The following INSC variants were observed in gnomAD, a reference collection of about 807,000 sequenced individuals.
The protein encoded by INSC is protein inscuteable homolog.
In INSC, 67 loss-of-function variants were observed where a neutral mutation model predicts 58.6. The observed-to-expected ratio is 1.14, with a 90% CI of 0.94 to 1.40. INSC has a LOEUF of 1.40. Ranked by LOEUF, INSC falls within the 40% of genes most tolerant of loss-of-function variation. INSC has a pLI of 0.00. For missense variants in INSC, 714 were observed against 692.0 expected (o/e 1.03, Z -0.36); for synonymous variants, 262 against 276.1 (o/e 0.95, Z 0.51).
intron 5 of INSC, among the ~76,000 whole-genome samples, chr11:15,183,313 T>G (rs1448796247): frequency 6.9e-6 from 1 of 145,528 alleles, no homozygotes; most frequent in Non-Finnish European, 1.5e-5. Context: ...ATCTTGCCAT[T>G]GCACTCCAGC....
intron 2 of INSC, among the ~76,000 whole-genome samples, chr11:15,151,374 A>G (rs1318058400): frequency 6.6e-6 from 1 of 152,164 alleles, no homozygotes; most frequent in African/African-American, 2.4e-5. Flanking sequence ...TGGTGCCAAC[A>G]AGGTTAGGGA....
intron 1 of INSC, among the ~76,000 whole-genome samples, chr11:15,125,509 G>T (rs1847972606): frequency 6.6e-6 from 1 of 152,218 alleles, no homozygotes; most frequent in Admixed American, 6.5e-5. Context: ...GGTGAGAGAT[G>T]ATGGTGGCTA....
intron 10 of INSC, 116 bp downstream of exon 10, chr11:15,235,784 C>T (rs1852101420): frequency 1.1e-6 from 1 of 907,804 alleles, no homozygotes; most frequent in Non-Finnish European, 1.8e-6. Flanking sequence ...TGGCCGGGCG[C>T]AGGAATCATG....
chr11:15,186,956 T>A (rs1849990598), intron 5 of INSC, among the ~76,000 whole-genome samples: 1 of 152,206 alleles, frequency 6.6e-6, no homozygotes, highest in Non-Finnish European at 1.5e-5. Flanking sequence ...GCTAAGTGAT[T>A]CTTCCATTCT....
chr11:15,234,691 G>A (rs1004040112), intron 9 of INSC, among the ~76,000 whole-genome samples: 4 of 152,176 alleles, frequency 2.6e-5, no homozygotes, highest in African/African-American at 7.2e-5. Flanking sequence ...GTCCATTTCT[G>A]TGAAAGTGGG....
At chr11:15,190,942 G>A in intron 6 of INSC, 128 bp downstream of exon 6, 1 of 649,266 alleles carries the variant, frequency 1.5e-6, no homozygotes, top group South Asian at 1.8e-5. Context: ...GTCTCCTTGG[G>A]AGAGTCACTT....
chr11:15,241,923 C>T (rs559271057), intron 12 of INSC, among the ~76,000 whole-genome samples: 52 of 152,210 alleles, frequency 3.4e-4, no homozygotes, highest in African/African-American at 1.3e-3. Context: ...ACAACTTTCA[C>T]GGGCTGTGAA....
chr11:15,119,065 C>T (rs767616095), intron 1 of INSC, among the ~76,000 whole-genome samples: 15 of 152,146 alleles, frequency 9.9e-5, no homozygotes, highest in South Asian at 4.1e-4. Flanking sequence ...CGAGAGATGC[C>T]GGCAACTCCC....
At chr11:15,218,333 C>A (rs1851300464) in intron 7 of INSC, among the ~76,000 whole-genome samples, 1 of 152,134 alleles carries the variant, frequency 6.6e-6, no homozygotes, top group African/African-American at 2.4e-5. Context: ...GTAAAACTAA[C>A]AGTGGATACC....
chr11:15,208,637 T>C (rs1274995860), intron 7 of INSC, among the ~76,000 whole-genome samples: 1 of 152,190 alleles, frequency 6.6e-6, no homozygotes, highest in Non-Finnish European at 1.5e-5. Flanking sequence ...GCCAGTACTT[T>C]CCAGACTGAA....
intron 9 of INSC, among the ~76,000 whole-genome samples, chr11:15,233,907 C>T (rs759054876): frequency 1.8e-4 from 28 of 152,186 alleles, no homozygotes; most frequent in Non-Finnish European, 3.5e-4. Flanking sequence ...TGGACTTGGC[C>T]GTGTACCTCC....
At chr11:15,220,607 C>G (rs1050781516) in intron 7 of INSC, among the ~76,000 whole-genome samples, 5 of 152,136 alleles carry the variant, frequency 3.3e-5, no homozygotes, top group African/African-American at 1.2e-4. Context: ...GTCAATGAAC[C>G]TTTCTGTGAC....
downstream of INSC, among the ~76,000 whole-genome samples, chr11:15,248,773 C>A (rs1852619266): frequency 6.6e-6 from 1 of 152,160 alleles, no homozygotes; most frequent in Non-Finnish European, 1.5e-5. Context: ...GCATGTATAT[C>A]AACCAGGGGC....
chr11:15,260,649 T>C, the INSC span, among the ~76,000 whole-genome samples: 1 of 152,210 alleles, frequency 6.6e-6, no homozygotes, highest in Non-Finnish European at 1.5e-5. Context: ...GTTATTCCTA[T>C]ATTTAAAATA....
chr11:15,159,210 G>A (rs534556282), intron 2 of INSC, among the ~76,000 whole-genome samples: 1 of 152,318 alleles, frequency 6.6e-6, no homozygotes, highest in South Asian at 2.1e-4. Flanking sequence ...CCAGGGCATG[G>A]TGGAGGCAAG....
At chr11:15,215,495 A>G (rs538454297) in intron 7 of INSC, among the ~76,000 whole-genome samples, 11 of 152,292 alleles carry the variant, frequency 7.2e-5, no homozygotes, top group Admixed American at 2.0e-4. Context: ...AGAGGCCCCA[A>G]TGAGGGAGGC....
chr11:15,240,471 G>T lies in INSC; in HGVS notation c.1418G>T (p.Cys473Phe), dbSNP rs756889454. ...GGCATGTCCCGTCTCATCGAGCTCT[G>T]CAGATCCCCATCAGAGAGGAACAGC... is the stretch of plus-strand genomic sequence containing the variant. ...LSCMSRLIEL[C>F]RSPSERNSSD... The change falls in exon 12 of 13, where the codon TGC becomes TTC. Residue 473 changes from cysteine to phenylalanine, a missense_variant. Cys to Phe is a radical substitution (Grantham distance 205). Coordinates refer to ENST00000379556, the MANE Select transcript of INSC (RefSeq NM_001042536.3). 10 of 1,613,810 alleles carry T rather than the reference G, an allele frequency of 6.2e-6. No individual in the cohort carries two copies. Among genetic ancestry groups the T allele is most frequent in the Non-Finnish European group, 8.5e-6 (10 of 1,179,976 alleles).
the INSC span, among the ~76,000 whole-genome samples, chr11:15,264,315 G>T: frequency 6.7e-6 from 1 of 148,510 alleles, no homozygotes; most frequent in Non-Finnish European, 1.5e-5. Flanking sequence ...ATTCTGCTGC[G>T]GCGGCTGCTG....
chr11:15,256,168 C>A, the INSC span, among the ~76,000 whole-genome samples: 2 of 152,184 alleles, frequency 1.3e-5, no homozygotes, highest in East Asian at 1.9e-4. Flanking sequence ...AGGGCATTAG[C>A]CCCATTTTGC....
Sources: allele counts gnomAD v4.1 joint callset (sites outside exome capture counted in the v4.1 genomes callset), GRCh38; gene constraint gnomAD v4.1.1; transcripts MANE v1.5; gene names NCBI Gene and HGNC (gene_info 2026-07-23, HGNC 2026-07-21).